Variants in LRRC4C observed in about 807,000 individuals in gnomAD.
LRRC4C encodes the protein leucine-rich repeat-containing protein 4C.
LRRC4C carries 5 observed loss-of-function variants against 33.6 expected under a neutral mutation model. The ratio of observed to expected loss-of-function variants is 0.15; its 90% CI spans 0.08 to 0.31. LRRC4C has a LOEUF of 0.31. Among genes scored for constraint, LRRC4C ranks in the 10% least tolerant of loss-of-function variants. The pLI, the probability that LRRC4C is intolerant of heterozygous loss-of-function variation, is 1.00. For synonymous variants in LRRC4C, 329 were observed against 302.0 expected, an observed-to-expected ratio of 1.09 and a Z score of -0.93; for missense variants, 560 against 796.7, an observed-to-expected ratio of 0.70 and a Z score of 3.58.
chr11:40,821,719 TAAAA>T (rs1951937370), intron 2 of LRRC4C, among the ~76,000 whole-genome samples: 1 of 151,550 alleles, frequency 6.6e-6, no homozygotes, highest in South Asian at 2.1e-4. Context: ...AAGGAAAGAC[TAAAA>T]AACTTTCACA....
intron 1 of LRRC4C, among the ~76,000 whole-genome samples, chr11:41,292,211 T>A (rs769119693): frequency 3.2e-4 from 48 of 152,084 alleles, no homozygotes; most frequent in Non-Finnish European, 3.2e-4. Flanking sequence ...CTAATTAATT[T>A]AAGAAGATGT....
chr11:41,203,951 T>C (rs1946498174), intron 1 of LRRC4C, among the ~76,000 whole-genome samples: 1 of 152,218 alleles, frequency 6.6e-6, no homozygotes, highest in Non-Finnish European at 1.5e-5. Flanking sequence ...CAGACACATC[T>C]TGTTTTTTCT....
intron 2 of LRRC4C, among the ~76,000 whole-genome samples, chr11:40,807,434 T>A (rs1951303307): frequency 6.6e-6 from 1 of 151,514 alleles, no homozygotes; most frequent in Admixed American, 6.6e-5. Context: ...CTTTATTTCA[T>A]CTTCACTGAT....
At position 40,298,308 on chromosome 11, in the gene LRRC4C, C is replaced by G. The variant is rs866151528; in HGVS notation, c.-176+21320G>C. Among the ~76,000 whole-genome samples, 7 of 151,500 alleles carry G rather than the reference C, an allele frequency of 4.6e-5. No individual in the cohort carries two copies. The Admixed American group carries it at 4.6e-4, about 10-fold the overall frequency. On this transcript the variant is annotated intron_variant, in intron 4 of 6. Transcript: ENST00000528697. ...AAAACAACAATCATTTATTATTTCT[C>G]ATGACTCTAAAGGCTGGTCAGAAAT...
chr11:40,632,159 C>T (rs1357693977), intron 3 of LRRC4C, among the ~76,000 whole-genome samples: 1 of 152,124 alleles, frequency 6.6e-6, no homozygotes, highest in Admixed American at 6.5e-5. Flanking sequence ...ATTTGTTAAT[C>T]GGATTGTGTT....
intron 1 of LRRC4C, among the ~76,000 whole-genome samples, chr11:41,268,584 C>T (rs1282429576): frequency 6.6e-6 from 1 of 152,080 alleles, no homozygotes; most frequent in Non-Finnish European, 1.5e-5. Flanking sequence ...ACTTAATTCA[C>T]AGCACTTTTT....
At chr11:40,577,747 C>A (rs1958253029) in intron 3 of LRRC4C, among the ~76,000 whole-genome samples, 1 of 151,974 alleles carries the variant, frequency 6.6e-6, no homozygotes, top group Admixed American at 6.5e-5. Flanking sequence ...TCAAAATGCC[C>A]GTAACGCTGC....
chr11:41,433,924 C>T (rs535241557), intron 1 of LRRC4C, among the ~76,000 whole-genome samples: 1 of 152,146 alleles, frequency 6.6e-6, no homozygotes, highest in East Asian at 1.9e-4. Flanking sequence ...GTTGCTCCCA[C>T]TAACCCATAA....
chr11:40,986,254 AT>A (rs1852985893), intron 1 of LRRC4C, among the ~76,000 whole-genome samples: 1 of 152,122 alleles, frequency 6.6e-6, no homozygotes. Flanking sequence ...TGGTAAAGAA[AT>A]GTCTGACTCA....
chr11:40,505,622 T>A (rs974559266), intron 3 of LRRC4C, among the ~76,000 whole-genome samples: 2 of 152,134 alleles, frequency 1.3e-5, no homozygotes, highest in African/African-American at 4.8e-5. Flanking sequence ...AAAATTCCAC[T>A]CAATGGTTGA....
intron 2 of LRRC4C, among the ~76,000 whole-genome samples, chr11:40,811,922 T>A (rs918634175): frequency 2.6e-5 from 4 of 152,178 alleles, no homozygotes; most frequent in African/African-American, 7.2e-5. Context: ...TCTGCCAGGA[T>A]GCCAAGAAGA....
chr11:40,700,015 T>C (rs886699955), intron 2 of LRRC4C, among the ~76,000 whole-genome samples: 1 of 152,172 alleles, frequency 6.6e-6, no homozygotes. Flanking sequence ...ATCCAGTCTT[T>C]CCTATTGGGT....
intron 3 of LRRC4C, among the ~76,000 whole-genome samples, chr11:40,505,579 C>T (rs909264534): frequency 6.6e-6 from 1 of 152,234 alleles, no homozygotes; most frequent in African/African-American, 2.4e-5. Flanking sequence ...AAATGATAAT[C>T]TTTCCTTGGC....
chr11:40,828,502 T>C (rs1460853510), intron 2 of LRRC4C, among the ~76,000 whole-genome samples: 3 of 151,904 alleles, frequency 2.0e-5, no homozygotes, highest in African/African-American at 7.2e-5. Flanking sequence ...TTAGCTGTGC[T>C]TTAGTCTTTG....
intron 1 of LRRC4C, among the ~76,000 whole-genome samples, chr11:41,047,315 A>G (rs1857843322): frequency 6.6e-6 from 1 of 152,166 alleles, no homozygotes; most frequent in Non-Finnish European, 1.5e-5. Context: ...TAACATCAGT[A>G]TAATTATTAT....
chr11:41,375,888 A>G (rs754015585), intron 1 of LRRC4C, among the ~76,000 whole-genome samples: 1 of 152,034 alleles, frequency 6.6e-6, no homozygotes, highest in Non-Finnish European at 1.5e-5. Context: ...CATAAATTTT[A>G]GGAATATTAG....
chr11:40,998,454 C>T (rs1443113200), intron 1 of LRRC4C, among the ~76,000 whole-genome samples: 2 of 151,780 alleles, frequency 1.3e-5, no homozygotes, highest in Non-Finnish European at 2.9e-5. Flanking sequence ...AAATTGATAC[C>T]CAACTTGACT....
At chr11:41,316,774 G>C (rs565284251) in intron 1 of LRRC4C, among the ~76,000 whole-genome samples, 7 of 152,308 alleles carry the variant, frequency 4.6e-5, no homozygotes, top group Non-Finnish European at 7.3e-5. Flanking sequence ...TTGACAGGTA[G>C]CAACCACTCT....
At chr11:40,366,794 T>C (rs2137221608) in intron 3 of LRRC4C, among the ~76,000 whole-genome samples, 1 of 152,198 alleles carries the variant, frequency 6.6e-6, no homozygotes, top group South Asian at 2.1e-4. Flanking sequence ...TCATTTAAAG[T>C]GCAAATACTG....
Sources: gnomAD v4.1 joint callset for allele counts (sites outside exome capture counted in the v4.1 genomes callset) on GRCh38, gnomAD v4.1.1 for gene constraint, MANE v1.5 for transcripts, NCBI Gene and HGNC (gene_info 2026-07-23, HGNC 2026-07-21) for gene names.